Variants in RMND5B observed in about 807,000 individuals in gnomAD.
The protein encoded by RMND5B is E3 ubiquitin-protein transferase RMND5B.
RMND5B carries 42 observed loss-of-function variants against 50.4 expected under a neutral mutation model. The ratio of observed to expected loss-of-function variants is 0.83; its 90% CI spans 0.65 to 1.08. The LOEUF (loss-of-function observed/expected upper bound fraction) is 1.08. Among genes scored for constraint, RMND5B ranks in the 50% least tolerant of loss-of-function variants. The probability of loss-of-function intolerance (pLI) is 0.00; values close to 1 mark genes in which losing one functional copy is unlikely to be tolerated. For synonymous variants in RMND5B, 220 were observed against 210.0 expected (o/e 1.05, Z -0.41); for missense variants, 463 against 508.5 (o/e 0.91, Z 0.86).
At chr5:178,146,368 T>C (rs896574466) in intron 8 of RMND5B, 89 bp downstream of exon 8, 2 of 1,280,770 alleles carry the variant, frequency 1.6e-6, no homozygotes, top group Admixed American at 2.2e-5. Context: ...CCAGGAACAG[T>C]GCTCGGTGCT....
intron 7 of RMND5B, chr5:178,145,882 T>C: frequency 2.0e-6 from 1 of 499,414 alleles, no homozygotes; most frequent in Non-Finnish European, 3.6e-6. Context: ...TTCCTGATTC[T>C]GTGTTAGTAA....
intron 2 of RMND5B, chr5:178,135,087 ATTC>A (rs1283556822): frequency 6.5e-6 from 1 of 154,870 alleles, no homozygotes; most frequent in Non-Finnish European, 1.4e-5. Context: ...TTTTGTCCCT[ATTC>A]TTCCCCTCTC....
Position 178,147,582 on chromosome 5 carries a change from G to T in RMND5B, c.910G>T (p.Val304Leu). ...ALPVLMNIKA[V>L]IEQRQCTGVW... is the part of the protein sequence containing the mutation. ...GCCTGTGTTGATGAACATCAAGGCTGTGATTGAGCAGCGGCAGTGCACTGG... is the reference window on the plus strand; with the variant it reads ...GCCTGTGTTGATGAACATCAAGGCTTTGATTGAGCAGCGGCAGTGCACTGG... The change falls in exon 9 of 11, where the codon GTG becomes TTG. Residue 304 changes from valine (V) to leucine (L), a missense_variant. Physicochemically the swap from Val to Leu is conservative, Grantham distance 32. Transcript: ENST00000313386. The T allele has an allele frequency of 6.2e-7, 1 of 1,614,214 alleles. No homozygotes were observed. Among genetic ancestry groups the T allele is most frequent in the Non-Finnish European group, 8.5e-7 (1 of 1,180,036 alleles).
intron 9 of RMND5B, 33 bp downstream of exon 9, chr5:178,147,668 G>A (rs982949657): frequency 2.5e-6 from 4 of 1,614,078 alleles, no homozygotes; most frequent in Admixed American, 1.7e-5. Flanking sequence ...GTGGGCAAGA[G>A]GTACTGGGGA....
intron 7 of RMND5B, among the ~76,000 whole-genome samples, chr5:178,145,678 T>C (rs1755964299): frequency 6.6e-6 from 1 of 152,158 alleles, no homozygotes; most frequent in Non-Finnish European, 1.5e-5. Flanking sequence ...GTGCTGGGAT[T>C]ATAGGCATGA....
chr5:178,149,334 G>A lies in RMND5B; in HGVS notation c.*1302G>A, dbSNP rs1187647171. 1 of 213,922 alleles carries A rather than the reference G, an allele frequency of 4.7e-6. No individual in the cohort carries two copies. Among genetic ancestry groups the A allele is most frequent in the Non-Finnish European group, 9.7e-6 (1 of 103,440 alleles). 13.3% of individuals were successfully genotyped at this position (213,922 alleles called of 1,614,324 possible). A position where few individuals can be genotyped will look rare whatever the true frequency, so the allele number is the denominator to read the frequency against. On this transcript the variant is annotated 3_prime_UTR_variant, in exon 11 of 11. Coordinates refer to ENST00000313386, the MANE Select transcript of RMND5B (RefSeq NM_022762.5). Reference sequence around the variant, plus strand: ...AAAGCACCCGGCCCTGGGCAGCTGAGCATCAGCACAGAACCCTCTGAGTCC... The same window carrying A: ...AAAGCACCCGGCCCTGGGCAGCTGAACATCAGCACAGAACCCTCTGAGTCC...
At position 178,142,904 on chromosome 5, in the gene RMND5B, G is replaced by A. The variant is rs373641380; in HGVS notation, c.338G>A (p.Arg113Gln). 4.7e-5 allele frequency: 76 copies of A among 1,614,090 alleles called. 1 individual carries two copies. Among genetic ancestry groups the A allele is most frequent in the Middle Eastern group, 3.3e-4 (2 of 6,084 alleles). Residue 113 changes from arginine to glutamine, a missense_variant, in exon 5 of 11, where the codon CGG becomes CAG. By Grantham distance (43) the Arg-to-Gln change is conservative. Transcript: ENST00000313386. ...GTGTCAGATGCGGTGTGGGACGCGC[G>A]GGAACAGCAGCAGCAGATCCTGCAG... is the stretch of plus-strand genomic sequence containing the variant. The part of the protein sequence containing the change: ...GVVSDAVWDA[R>Q]EQQQQILQMA...
At chr5:178,144,656 G>A (rs1280621547) in intron 7 of RMND5B, among the ~76,000 whole-genome samples, 7 of 150,278 alleles carry the variant, frequency 4.7e-5, no homozygotes, top group East Asian at 2.0e-4. Context: ...GCATGAACCC[G>A]GGAGGCGGAG....
rs570522945 is a variant in RMND5B, at chr5:178,149,655, G to A, written c.*1623G>A. 12 of 1,608,598 alleles carry A rather than the reference G, an allele frequency of 7.5e-6. No homozygotes were observed. Among genetic ancestry groups the A allele is most frequent in the Admixed American group, 5.0e-5 (3 of 59,790 alleles). Reference sequence around the variant, plus strand: ...TGGGTGGGCAGGAGGACAGCCAGTCGTCCTGCTGCCAGCCCAATAGCTTCC... The same window carrying A: ...TGGGTGGGCAGGAGGACAGCCAGTCATCCTGCTGCCAGCCCAATAGCTTCC... On this transcript the variant is annotated 3_prime_UTR_variant, in exon 11 of 11. Transcript: ENST00000313386.
chr5:178,144,989 C>T (rs1352630342), intron 7 of RMND5B, among the ~76,000 whole-genome samples: 2 of 151,928 alleles, frequency 1.3e-5, no homozygotes, highest in African/African-American at 4.8e-5. Flanking sequence ...TTTTTAGTTC[C>T]ACCTCATATT....
rs121908089 is a variant in RMND5B at position 178,149,760 on chromosome 5, A to G, written c.*1728A>G. 6.2e-7 allele frequency: 1 copy of G among 1,614,080 alleles called. No individual in the cohort carries two copies. The highest frequency in any genetic ancestry group is 8.5e-7 in the Non-Finnish European group (1 of 1,179,986). On this transcript the variant is annotated 3_prime_UTR_variant, in exon 11 of 11. Coordinates refer to ENST00000313386, the MANE Select transcript of RMND5B (RefSeq NM_022762.5). ...TGCACCTCCTCCAGGCACTCATCGT[A>G]AGCCTCCTGGTACTCCTCATGGGGC... is the stretch of plus-strand genomic sequence containing the variant.
intron 3 of RMND5B, chr5:178,142,300 A>AC: frequency 2.5e-6 from 1 of 403,908 alleles, no homozygotes; most frequent in South Asian, 3.3e-5. Flanking sequence ...TAAACACTTG[A>AC]CCCATAGTAA....
Position 178,149,539 on chromosome 5 carries a change from G to A in RMND5B, c.*1507G>A. Reference sequence around the variant, plus strand: ...AGTTCTACAGGAAATGGCACTGATGGACAGAAGACTAGCATTACCTTCATG... The same window carrying A: ...AGTTCTACAGGAAATGGCACTGATGAACAGAAGACTAGCATTACCTTCATG... On this transcript the variant is annotated 3_prime_UTR_variant, in exon 11 of 11. Transcript: ENST00000313386. 1.4e-6 allele frequency: 1 copy of A among 704,634 alleles called. No individual in the cohort carries two copies. Among genetic ancestry groups the A allele is most frequent in the East Asian group, 2.8e-5 (1 of 35,136 alleles). The allele number at this position is 704,634 out of a possible 1,614,324, so 43.6% of individuals were successfully genotyped here. A position where few individuals can be genotyped will look rare whatever the true frequency, so the allele number is the denominator to read the frequency against.
At chr5:178,143,097 A>T in intron 5 of RMND5B, 105 bp downstream of exon 5, 1 of 1,317,788 alleles carries the variant, frequency 7.6e-7, no homozygotes, top group Non-Finnish European at 1.0e-6. Flanking sequence ...TTATTTCCTA[A>T]AGGAAATCAG....
intron 2 of RMND5B, 63 bp downstream of exon 2, chr5:178,131,439 C>T (rs564309416): frequency 1.3e-5 from 2 of 152,284 alleles, no homozygotes; most frequent in South Asian, 2.1e-4. Flanking sequence ...AGGAGTTTGC[C>T]TGTCGTTTGC....
rs1197236846 is a variant in RMND5B at position 178,138,247 on chromosome 5, T to G, written c.128T>G (p.Leu43Arg). The G allele has an allele frequency of 1.2e-6, 2 of 1,613,216 alleles. No homozygotes were observed. Among genetic ancestry groups the G allele is most frequent in the African/African-American group, 2.7e-5 (2 of 74,910 alleles). The change falls in exon 3 of 11, where the codon CTG (leucine) becomes CGG (arginine). Residue 43 changes from leucine (L) to arginine (R), a missense_variant. Physicochemically the swap from Leu to Arg is moderately radical, Grantham distance 102. Coordinates refer to ENST00000313386, the MANE Select transcript of RMND5B (RefSeq NM_022762.5). This position sits in a 1 kb window ranked among gnomAD's most constrained non-coding sequence, Gnocchi z 5.1. Reference sequence around the variant, plus strand: ...TACGTGGGCCAGCTGCGGGCTGAGCTGGCCAGCGCAGGTGGGTGGCCACCC... The same window carrying G: ...TACGTGGGCCAGCTGCGGGCTGAGCGGGCCAGCGCAGGTGGGTGGCCACCC... ...LHYVGQLRAE[L>R]ASAALQGTPL...
chr5:178,139,350 C>T (rs986248847), intron 3 of RMND5B, among the ~76,000 whole-genome samples: 4 of 151,538 alleles, frequency 2.6e-5, no homozygotes, highest in African/African-American at 9.7e-5. Flanking sequence ...GAATTAAAGG[C>T]GCATGCCACC....
At chr5:178,141,771 C>T (rs1758957793) in intron 3 of RMND5B, 1 of 152,172 alleles carries the variant, frequency 6.6e-6, no homozygotes, top group Non-Finnish European at 1.5e-5. Context: ...CAGAGTTGTA[C>T]AATCTTCACC....
rs1219741571 is a variant in RMND5B, at chr5:178,138,570, T to C, written c.139+312T>C. ...GTGTAGAAACAGTGTCTTTGTTGCC[T>C]AGGCTGGTCTTTAACTCCTAGGGGC... On this transcript the variant is annotated intron_variant, in intron 3 of 10. Coordinates refer to ENST00000313386, the MANE Select transcript of RMND5B (RefSeq NM_022762.5). The surrounding 1 kb of genome is among the most constrained non-coding windows in gnomAD (Gnocchi z 5.1). Among the ~76,000 whole-genome samples the C allele has an allele frequency of 3.3e-5, 5 of 150,864 alleles. No homozygotes were observed. The highest frequency in any genetic ancestry group is 7.4e-5 in the Non-Finnish European group (5 of 67,592).
Sources: gnomAD v4.1 joint callset for allele counts (sites outside exome capture counted in the v4.1 genomes callset) on GRCh38, gnomAD v4.1.1 for gene constraint, Gnocchi (gnomAD v3.1) non-coding constraint, MANE v1.5 for transcripts, NCBI Gene and HGNC (gene_info 2026-07-23, HGNC 2026-07-21) for gene names.